The following CSF1R variants were observed in gnomAD, a reference collection of about 807,000 sequenced individuals.
The protein encoded by CSF1R is colony stimulating factor 1 receptor.
A neutral mutation model predicts 110.0 loss-of-function variants in CSF1R; 40 were observed. The ratio of observed to expected loss-of-function variants is 0.36; its 90% CI spans 0.28 to 0.47. The LOEUF (loss-of-function observed/expected upper bound fraction) is 0.47. Ranked by LOEUF, CSF1R falls within the 20% of genes least tolerant of loss-of-function variation. The pLI is 0.99. For synonymous variants in CSF1R, 523 were observed against 503.4 expected (o/e 1.04, Z -0.52); for missense variants, 1,052 against 1,253.0 (o/e 0.84, Z 2.42).
At chr5:150,086,111 C>T (rs1447125978) in intron 1 of CSF1R, among the ~76,000 whole-genome samples, 2 of 152,182 alleles carry the variant, frequency 1.3e-5, no homozygotes, top group African/African-American at 4.8e-5. Flanking sequence ...ACTGAAGCCT[C>T]AAGAGTATCA....
Position 150,054,004 on chromosome 5 carries a change from C to T in CSF1R, c.*65G>A, listed in dbSNP as rs1322716836. The T allele has an allele frequency of 1.5e-5, 22 of 1,497,632 alleles. No individual in the cohort carries two copies. The highest frequency in any genetic ancestry group is 1.9e-5 in the Non-Finnish European group (21 of 1,085,890). 92.8% of individuals were successfully genotyped at this position (1,497,632 alleles called of 1,614,324 possible). The stretch of plus-strand genomic sequence containing the variant: ...CAGAGTTTGTATGTTCTCCCCGTGT[C>T]GCCCCATCCATGGAGGAGTTGAAGT... On this transcript the variant is annotated 3_prime_UTR_variant, in exon 21 of 21. Coordinates refer to ENST00000675795, the MANE Select transcript of CSF1R (RefSeq NM_001288705.3).
chr5:150,112,848 TG>T (rs1759767204), intron 1 of CSF1R, among the ~76,000 whole-genome samples: 1 of 152,184 alleles, frequency 6.6e-6, no homozygotes, highest in Non-Finnish European at 1.5e-5. Context: ...CCCAGACTCC[TG>T]GAGGCAGTCC....
intron 1 of CSF1R, among the ~76,000 whole-genome samples, chr5:150,102,433 A>G (rs1759431622): frequency 6.6e-6 from 1 of 152,196 alleles, no homozygotes; most frequent in African/African-American, 2.4e-5. Flanking sequence ...TATTTCTTCT[A>G]CAGATATCCT....
intron 14 of CSF1R, among the ~76,000 whole-genome samples, chr5:150,058,764 G>T (rs1425580316): frequency 6.6e-6 from 1 of 151,934 alleles, no homozygotes; most frequent in Non-Finnish European, 1.5e-5. Context: ...GCAGCTGACA[G>T]TATCTAGGAT....
chr5:150,054,125 CGCA>C lies in CSF1R; in HGVS notation c.2860_2862del (p.Cys954del). On this transcript the variant is annotated inframe_deletion, in exon 21 of 21. Transcript: ENST00000675795. Reference sequence around the variant, plus strand: ...AAGGGCTGGGCGATATCCCCTTGCTCGCAGCAGGTCAGGTGCTCACTAGAGCTC... The same window carrying C: ...AAGGGCTGGGCGATATCCCCTTGCTCGCAGGTCAGGTGCTCACTAGAGCTC... 1.2e-6 allele frequency: 2 copies of C among 1,613,982 alleles called. No individual in the cohort carries two copies. The highest frequency in any genetic ancestry group is 1.3e-5 in the African/African-American group (1 of 75,046).
intron 9 of CSF1R, among the ~76,000 whole-genome samples, chr5:150,068,848 A>G (rs1757902342): frequency 6.6e-6 from 1 of 152,210 alleles, no homozygotes; most frequent in Admixed American, 6.5e-5. Flanking sequence ...CCCAGAATCT[A>G]TACTACTAGT....
chr5:150,054,615 G>C, intron 19 of CSF1R, 185 bp from the exon 20 acceptor site: 1 of 564,920 alleles, frequency 1.8e-6, no homozygotes, highest in Admixed American at 3.4e-5. Context: ...CCTTGCAGAA[G>C]GGTACTCTCA....
chr5:150,078,373 C>CCAGGGTCCCAGGTAGGTCCAG, intron 3 of CSF1R, 125 bp from the exon 4 acceptor site: 1 of 1,257,546 alleles, frequency 8.0e-7, no homozygotes, highest in Non-Finnish European at 1.1e-6. Flanking sequence ...ATCCCAAATC[C>CCAGGGTCCCAGGTAGGTCCAG]TGGGAGGCAG....
intron 19 of CSF1R, chr5:150,054,718 G>T: frequency 2.7e-6 from 1 of 365,886 alleles, no homozygotes. Context: ...CAGGTGCAGT[G>T]GCTCATTCCT....
intron 10 of CSF1R, among the ~76,000 whole-genome samples, chr5:150,062,543 A>G (rs1273396112): frequency 8.6e-6 from 1 of 115,894 alleles, no homozygotes; most frequent in Non-Finnish European, 1.9e-5. Context: ...GCCTTATTTC[A>G]CCCAGCATAA....
intron 5 of CSF1R, among the ~76,000 whole-genome samples, chr5:150,076,354 CTATCTAT>C (rs1179849712): frequency 5.2e-4 from 79 of 151,652 alleles, no homozygotes; most frequent in African/African-American, 1.9e-3. Flanking sequence ...ATCTATCTAT[CTATCTAT>C]CTATCTATCT....
intron 1 of CSF1R, among the ~76,000 whole-genome samples, chr5:150,101,289 A>G (rs577008933): frequency 1.5e-3 from 227 of 152,348 alleles, no homozygotes; most frequent in Non-Finnish European, 1.1e-3. Flanking sequence ...TATCCTAGCC[A>G]AGGCTAGATT....
At position 150,070,527 on chromosome 5, in the gene CSF1R, G is replaced by A; in HGVS notation, c.1127C>T (p.Ala376Val). Residue 376 changes from alanine (A) to valine (V), a missense_variant, in exon 7 of 21, where the codon GCT becomes GTT. By Grantham distance (64) the Ala-to-Val change is moderately conservative (BLOSUM62 0). Transcript: ENST00000675795. The stretch of plus-strand genomic sequence containing the variant: ...TCTGGCCAGGAAGGAGTAGCGGCCA[G>A]CCTCAGAGGGCTTCAGGCGGGGCAG... ...LSLPRLKPSE[A>V]GRYSFLARNP... is the part of the protein sequence containing the mutation. 2 of 1,551,260 alleles carry A rather than the reference G, an allele frequency of 1.3e-6. No homozygotes were observed. Among genetic ancestry groups the A allele is most frequent in the Non-Finnish European group, 1.7e-6 (2 of 1,147,314 alleles).
chr5:150,084,380 A>AAAGAAAG (rs1561945726), intron 1 of CSF1R, among the ~76,000 whole-genome samples: 2 of 49,870 alleles, frequency 4.0e-5, no homozygotes, highest in African/African-American at 2.6e-4. Flanking sequence ...AGAAAGAAAG[A>AAAGAAAG]AAGAAAGAAA....
intron 5 of CSF1R, among the ~76,000 whole-genome samples, chr5:150,076,481 G>A (rs1758273555): frequency 6.6e-6 from 1 of 152,192 alleles, no homozygotes; most frequent in Non-Finnish European, 1.5e-5. Flanking sequence ...GTCCTTGGCA[G>A]ACTCAGGTTG....
rs1172929638 is a variant in CSF1R at position 150,061,915 on chromosome 5, A to G, written c.1627-66T>C. 5.6e-6 allele frequency: 9 copies of G among 1,606,902 alleles called. No homozygotes were observed. In the South Asian group the frequency reaches 6.6e-5, roughly 12 times the overall value. On this transcript the variant is annotated intron_variant, in intron 10 of 20. Transcript: ENST00000675795. Reference sequence around the variant, plus strand: ...AGGCAGTTCCTGGACCTTGTTTCTGACCCCCAAGAGCAGGGGTGTGGGCAG... The same window carrying G: ...AGGCAGTTCCTGGACCTTGTTTCTGGCCCCCAAGAGCAGGGGTGTGGGCAG...
chr5:150,061,051 G>A lies in CSF1R; in HGVS notation c.1859-79C>T, dbSNP rs1757491765. ...CCACACAGATACATGGGGACCAAAT[G>A]CAGAGACCCAGGGGAGAAAGCAGGG... is the stretch of plus-strand genomic sequence containing the variant. On this transcript the variant is annotated intron_variant, in intron 12 of 20. Transcript: ENST00000675795. The A allele has an allele frequency of 4.9e-6, 5 of 1,012,184 alleles. No individual in the cohort carries two copies. In the Admixed American group the frequency reaches 8.2e-5, roughly 17 times the overall value. 62.7% of individuals were successfully genotyped at this position (1,012,184 alleles called of 1,614,324 possible).
chr5:150,079,877 C>A (rs1758445227), intron 3 of CSF1R, among the ~76,000 whole-genome samples, 175 bp downstream of exon 3: 1 of 152,242 alleles, frequency 6.6e-6, no homozygotes, highest in Non-Finnish European at 1.5e-5. Flanking sequence ...CCTGCCCCGA[C>A]ACCTTGTCAG....
intron 12 of CSF1R, among the ~76,000 whole-genome samples, 182 bp downstream of exon 12, chr5:150,061,309 T>C (rs1303689399): frequency 1.3e-5 from 2 of 152,130 alleles, no homozygotes; most frequent in African/African-American, 4.8e-5. Context: ...CTAGACCTTC[T>C]TGGAGCCGGG....
Sources: gnomAD v4.1 joint callset for allele counts (sites outside exome capture counted in the v4.1 genomes callset) on GRCh38, gnomAD v4.1.1 for gene constraint, MANE v1.5 for transcripts, NCBI Gene and HGNC (gene_info 2026-07-23, HGNC 2026-07-21) for gene names.